Variants in CORO7 observed in about 807,000 individuals in gnomAD.
The protein encoded by CORO7 is coronin-7.
In CORO7, 107 loss-of-function variants were observed where a neutral mutation model predicts 126.6. The ratio of observed to expected loss-of-function variants is 0.85; its 90% CI spans 0.72 to 0.99. The LOEUF (loss-of-function observed/expected upper bound fraction) is 0.99. CORO7 is among the 50% of genes least tolerant of loss of function. The pLI, the probability that CORO7 is intolerant of heterozygous loss-of-function variation, is 0.00. For synonymous variants in CORO7, 603 were observed against 536.8 expected, an observed-to-expected ratio of 1.12 and a Z score of -1.70; for missense variants, 1,314 against 1,255.8, an observed-to-expected ratio of 1.05 and a Z score of -0.70.
chr16:4,375,590 C>A (rs980117801), intron 9 of CORO7, among the ~76,000 whole-genome samples: 3 of 152,248 alleles, frequency 2.0e-5, no homozygotes, highest in African/African-American at 7.2e-5. Context: ...CAGGTTCACA[C>A]CATTCTCCTG....
chr16:4,389,828 G>A (rs2055325249), intron 7 of CORO7, among the ~76,000 whole-genome samples: 1 of 152,222 alleles, frequency 6.6e-6, no homozygotes, highest in Non-Finnish European at 1.5e-5. Flanking sequence ...ATATCTGCGT[G>A]TGTGCAGCCC....
intron 9 of CORO7, chr16:4,381,523 C>A: frequency 1.2e-6 from 2 of 1,600,572 alleles, no homozygotes; most frequent in Non-Finnish European, 8.5e-7. Context: ...CAGCCGCTTG[C>A]GCAACCTCCA....
At chr16:4,402,610 G>C (rs567627828) in intron 6 of CORO7, among the ~76,000 whole-genome samples, 51 of 152,274 alleles carry the variant, frequency 3.3e-4, no homozygotes, top group Admixed American at 3.1e-3. Context: ...CTGGGCGCTG[G>C]GGCTAAGGGC....
At chr16:4,386,924 A>AC (rs1194056204) in intron 9 of CORO7, among the ~76,000 whole-genome samples, 4 of 151,710 alleles carry the variant, frequency 2.6e-5, no homozygotes, top group Admixed American at 2.6e-4. Context: ...AGCCTTCCTT[A>AC]CCCCCAGACA....
intron 9 of CORO7, among the ~76,000 whole-genome samples, chr16:4,367,956 T>G (rs1222696142): frequency 1.3e-5 from 2 of 152,164 alleles, no homozygotes; most frequent in East Asian, 3.8e-4. Flanking sequence ...GCCAGCACTT[T>G]GGGAGGCTGA....
chr16:4,407,419 G>A, intron 5 of CORO7, 82 bp downstream of exon 5: 1 of 1,465,826 alleles, frequency 6.8e-7, no homozygotes, highest in South Asian at 1.3e-5. Context: ...TTAAATTTAT[G>A]TGACTAAACA....
intron 25 of CORO7, 92 bp downstream of exon 25, chr16:4,357,876 G>A (rs532793392): frequency 2.0e-5 from 31 of 1,519,792 alleles, no homozygotes; most frequent in Middle Eastern, 2.5e-4. Context: ...AGGATTCTGC[G>A]TGCCAACAGG....
chr16:4,381,948 A>C, intron 9 of CORO7: 1 of 1,608,490 alleles, frequency 6.2e-7, no homozygotes, highest in South Asian at 1.1e-5. Context: ...CCACAGCCAC[A>C]GTGCCCACCA....
chr16:4,359,499 A>C lies in CORO7; in HGVS notation c.2231T>G (p.Leu744Arg), dbSNP rs1048361218. ...LLPSYDPDTG[L>R]VLLTGKGDTR... ...GCCCACCTTGCCGGTCAGGAGCACC[A>C]GGCCAGTGTCTGGGTCGTAGCTGGG... is the stretch of plus-strand genomic sequence containing the variant. Residue 744 changes from leucine (L) to arginine (R), a missense_variant, in exon 22 of 28, where the codon CTG (leucine) becomes CGG (arginine). By Grantham distance (102) the Leu-to-Arg change is moderately radical. Coordinates refer to ENST00000251166, the MANE Select transcript of CORO7 (RefSeq NM_024535.5). 28 of 1,613,490 alleles carry C rather than the reference A, an allele frequency of 1.7e-5. No homozygotes were observed. The highest frequency in any genetic ancestry group is 2.3e-5 in the Non-Finnish European group (27 of 1,179,966).
chr16:4,361,353 C>T lies in CORO7; in HGVS notation c.1687+8G>A, dbSNP rs374462516. 567 of 1,611,708 alleles carry T rather than the reference C, an allele frequency of 3.5e-4. 1 individual carries two copies. Among genetic ancestry groups the T allele is most frequent in the Non-Finnish European group, 3.2e-4 (383 of 1,179,276 alleles). Reference sequence around the variant, plus strand: ...CCTCCCTCAAGCCCAGGCACCCAGCCTCCTTACCCACAGCGAGGCGATGGG... The same window carrying T: ...CCTCCCTCAAGCCCAGGCACCCAGCTTCCTTACCCACAGCGAGGCGATGGG... On this transcript the variant is annotated splice_region_variant and intron_variant, in intron 17 of 27. Coordinates refer to ENST00000251166, the MANE Select transcript of CORO7 (RefSeq NM_024535.5).
In CORO7 at chr16:4,365,037, G is replaced by A. The variant is rs144596172; in HGVS notation, c.864C>T (p.Tyr288=). The change falls in exon 11 of 28, where the codon TAC becomes TAT. Residue 288 remains tyrosine, a synonymous_variant. Coordinates refer to ENST00000251166, the MANE Select transcript of CORO7 (RefSeq NM_024535.5). ...GCGCCGGCTGCTGCGGGACCACCTC[G>A]TAACAGTACAGCTGCCTCTCGCCCT... The part of the protein sequence containing the change: ...AGKGERQLYC[Y]EVVPQQPALS... 7.1e-5 allele frequency: 114 copies of A among 1,604,812 alleles called. No individual in the cohort carries two copies. In the African/African-American group the frequency reaches 7.5e-4, roughly 11 times the overall value.
intron 9 of CORO7, among the ~76,000 whole-genome samples, chr16:4,386,781 T>G (rs1369554196): frequency 6.6e-6 from 1 of 152,020 alleles, no homozygotes; most frequent in Non-Finnish European, 1.5e-5. Context: ...TGTGACAGGG[T>G]GGGAAAGGGC....
chr16:4,360,876 CCCCA>C, intron 19 of CORO7, 63 bp downstream of exon 19: 4 of 342,288 alleles, frequency 1.2e-5, no homozygotes, highest in African/African-American at 3.6e-5. Context: ...TCACTGCTGG[CCCCA>C]CCTCTCCACA....
rs2056237474 is a variant in CORO7 at position 4,412,205 on chromosome 16, A to G, written c.232+151T>C. ...TTCTACACCAGGAGGAAGCCTTCTG[A>G]GCCCCACTGTCTCTCAGAGAGTGCA... On this transcript the variant is annotated intron_variant, in intron 3 of 27. Coordinates refer to ENST00000251166, the MANE Select transcript of CORO7 (RefSeq NM_024535.5). 8.7e-6 allele frequency: 7 copies of G among 802,244 alleles called. No individual in the cohort carries two copies. In the South Asian group the frequency reaches 1.1e-4, roughly 13 times the overall value. 49.7% of individuals were successfully genotyped at this position (802,244 alleles called of 1,614,324 possible).
chr16:4,393,429 C>T (rs1424283739), intron 7 of CORO7, among the ~76,000 whole-genome samples: 3 of 152,230 alleles, frequency 2.0e-5, no homozygotes, highest in African/African-American at 7.2e-5. Flanking sequence ...GCAAGTACGA[C>T]CAGGGTGTGG....
chr16:4,382,494 G>A, intron 9 of CORO7: 1 of 1,596,640 alleles, frequency 6.3e-7, no homozygotes, highest in Non-Finnish European at 8.5e-7. Context: ...TGCCTTTGGG[G>A]CCCGGGCGGG....
Position 4,388,061 on chromosome 16 carries a change from T to A in CORO7, c.710A>T (p.Glu237Val), listed in dbSNP as rs1434681743. ...LVSTGFNQMR[E>V]REVKLWDTRF... ...CGTGTCCCACAGCTTCACTTCGCGC[T>A]CACGCATCTGCAGGGAGGGCGAGAG... Residue 237 changes from glutamate to valine, a missense_variant, in exon 9 of 28, where the codon GAG (glutamate) becomes GTG (valine). Glu to Val is a moderately radical substitution (Grantham distance 121, BLOSUM62 -2). Transcript: ENST00000251166. 6.2e-7 allele frequency: 1 copy of A among 1,612,426 alleles called. No individual in the cohort carries two copies.
chr16:4,378,564 T>C (rs970007282), intron 9 of CORO7, among the ~76,000 whole-genome samples: 5 of 151,912 alleles, frequency 3.3e-5, no homozygotes, highest in Non-Finnish European at 5.9e-5. Flanking sequence ...GCGGGTCCCA[T>C]GGGGGAAGAG....
intron 24 of CORO7, 115 bp from the exon 25 acceptor site, chr16:4,358,218 C>T: frequency 6.5e-7 from 1 of 1,537,130 alleles, no homozygotes; most frequent in Non-Finnish European, 8.8e-7. Context: ...CCTGGGGCTT[C>T]CATGAGTTTC....
Sources: allele counts gnomAD v4.1 joint callset (sites outside exome capture counted in the v4.1 genomes callset), GRCh38; gene constraint gnomAD v4.1.1; transcripts MANE v1.5; gene names NCBI Gene and HGNC (gene_info 2026-07-23, HGNC 2026-07-21).